The following SYNCRIP variants were observed in gnomAD, a reference collection of about 807,000 sequenced individuals.
SYNCRIP encodes the protein heterogeneous nuclear ribonucleoprotein Q.
In SYNCRIP, 9 loss-of-function variants were observed where a neutral mutation model predicts 68.9. That is an observed-to-expected ratio of 0.13 (90% CI 0.08 to 0.23). The LOEUF is 0.23. Among genes scored for constraint, SYNCRIP ranks in the 10% least tolerant of loss-of-function variants. SYNCRIP has a pLI of 1.00. For missense variants in SYNCRIP, 414 were observed against 770.6 expected (o/e 0.54, Z 5.48); for synonymous variants, 258 against 254.0 (o/e 1.02, Z -0.15).
chr6:85,635,438 A>G lies in SYNCRIP; in HGVS notation c.666+1529T>C, dbSNP rs559605548. Among the ~76,000 whole-genome samples the G allele has an allele frequency of 9.2e-5, 14 of 152,244 alleles. No individual in the cohort carries two copies. In the South Asian group the frequency reaches 2.9e-3, roughly 32 times the overall value. ...TACTGTTTAACTTCCATCATACTCAATTATGCAAACCAGTGGGGAATATTC... is the reference window on the plus strand; with the variant it reads ...TACTGTTTAACTTCCATCATACTCAGTTATGCAAACCAGTGGGGAATATTC... On this transcript the variant is annotated intron_variant, in intron 6 of 10. Transcript: ENST00000369622.
chr6:85,622,164 G>A (rs1303457470), intron 8 of SYNCRIP, among the ~76,000 whole-genome samples: 2 of 152,116 alleles, frequency 1.3e-5, no homozygotes, highest in African/African-American at 4.8e-5. Context: ...CCGAGGTCAG[G>A]AGTTCGAGAC....
At chr6:85,635,470 CAT>C (rs541760886) in intron 6 of SYNCRIP, among the ~76,000 whole-genome samples, 10 of 152,186 alleles carry the variant, frequency 6.6e-5, no homozygotes, top group Non-Finnish European at 1.5e-4. Context: ...ATTCACACAA[CAT>C]AGAAAAGGAA....
chr6:85,624,565 T>G (rs999916832), intron 6 of SYNCRIP, among the ~76,000 whole-genome samples: 1 of 152,190 alleles, frequency 6.6e-6, no homozygotes, highest in Non-Finnish European at 1.5e-5. Context: ...TATTTAAGCC[T>G]AAAAAAACAG....
At chr6:85,613,830 G>A, downstream of SYNCRIP, 2 of 312,176 alleles carry the variant, frequency 6.4e-6, no homozygotes, top group Non-Finnish European at 9.3e-6. Context: ...CTCAATCTGA[G>A]TTTTAGGTTA....
chr6:85,633,727 C>T (rs1051629515), intron 6 of SYNCRIP, among the ~76,000 whole-genome samples: 1 of 151,914 alleles, frequency 6.6e-6, no homozygotes, highest in Non-Finnish European at 1.5e-5. Flanking sequence ...CTCTGTTGCC[C>T]AGGCTGGAGT....
exon 12 of SYNCRIP, chr6:85,608,668 G>C (rs147499816): frequency 1.1e-3 from 172 of 152,064 alleles, no homozygotes; most frequent in African/African-American, 4.0e-3. Flanking sequence ...ATACTAGTCA[G>C]GTACAAGCTT....
At chr6:85,638,282 G>C (rs1358079180) in intron 4 of SYNCRIP, among the ~76,000 whole-genome samples, 2 of 142,658 alleles carry the variant, frequency 1.4e-5, no homozygotes, top group Admixed American at 7.8e-5. Flanking sequence ...CTGAGGCAGA[G>C]AACTGCTTAA....
chr6:85,631,996 T>A (rs1396954779), intron 6 of SYNCRIP, among the ~76,000 whole-genome samples: 1 of 152,222 alleles, frequency 6.6e-6, no homozygotes, highest in South Asian at 2.1e-4. Context: ...ATTATCATCA[T>A]TTACAAATGG....
chr6:85,615,672 C>A (rs1184805223), intron 10 of SYNCRIP, among the ~76,000 whole-genome samples: 1 of 152,124 alleles, frequency 6.6e-6, no homozygotes, highest in Non-Finnish European at 1.5e-5. Context: ...GGGCTGGGAG[C>A]GGTCATGCCT....
At position 85,614,526 on chromosome 6, in the gene SYNCRIP, C is replaced by T; in HGVS notation, c.*230G>A. 1 of 1,237,388 alleles carries T rather than the reference C, an allele frequency of 8.1e-7. No individual in the cohort carries two copies. 76.7% of individuals were successfully genotyped at this position (1,237,388 alleles called of 1,614,324 possible). A position where few individuals can be genotyped will look rare whatever the true frequency, so the allele number is the denominator to read the frequency against. ...TCAAGCACAAATGCAAACTCATTAA[C>T]TATTTCTTTCAGTATCTAAGAATAT... On this transcript the variant is annotated 3_prime_UTR_variant, in exon 11 of 11. Coordinates refer to ENST00000369622, the MANE Select transcript of SYNCRIP (RefSeq NM_006372.5).
At chr6:85,638,080 G>C (rs935402893) in intron 4 of SYNCRIP, among the ~76,000 whole-genome samples, 2 of 152,058 alleles carry the variant, frequency 1.3e-5, no homozygotes, top group East Asian at 3.9e-4. Context: ...GCAAAGTATA[G>C]AAAGAAGTAT....
Position 85,614,018 on chromosome 6 carries a change from G to C in SYNCRIP, c.*738C>G, listed in dbSNP as rs1583236982. The stretch of plus-strand genomic sequence containing the variant: ...TTTTTATTTTTGATGGGAACATGAA[G>C]TCTGTTGTAAAATAGCACTTTAAAC... On this transcript the variant is annotated 3_prime_UTR_variant, in exon 11 of 11. Coordinates refer to ENST00000369622, the MANE Select transcript of SYNCRIP (RefSeq NM_006372.5). 4.1e-6 allele frequency: 4 copies of C among 985,246 alleles called. No individual in the cohort carries two copies. The highest frequency in any genetic ancestry group is 4.8e-6 in the Non-Finnish European group (4 of 829,580). The allele number at this position is 985,246 out of a possible 1,614,324, so 61.0% of individuals were successfully genotyped here. A position where few individuals can be genotyped will look rare whatever the true frequency, so the allele number is the denominator to read the frequency against.
At chr6:85,632,884 T>A (rs967860050) in intron 6 of SYNCRIP, among the ~76,000 whole-genome samples, 2 of 152,080 alleles carry the variant, frequency 1.3e-5, no homozygotes, top group African/African-American at 2.4e-5. Flanking sequence ...TTAGTGAGCA[T>A]TGATCATGAC....
intron 6 of SYNCRIP, among the ~76,000 whole-genome samples, chr6:85,631,596 G>A (rs960124518): frequency 6.6e-6 from 1 of 152,206 alleles, no homozygotes; most frequent in African/African-American, 2.4e-5. Flanking sequence ...TAGGGTAGTA[G>A]CAGCGAAGAA....
intron 8 of SYNCRIP, 84 bp downstream of exon 8, chr6:85,622,398 G>C (rs1264717346): frequency 4.7e-6 from 6 of 1,269,394 alleles, no homozygotes; most frequent in Non-Finnish European, 5.7e-6. Context: ...AATGTATACT[G>C]TTCATTTTAT....
At chr6:85,627,697 C>T (rs865908402) in intron 6 of SYNCRIP, among the ~76,000 whole-genome samples, 36 of 152,238 alleles carry the variant, frequency 2.4e-4, no homozygotes, top group African/African-American at 8.7e-4. Flanking sequence ...CACACACACA[C>T]AAAAAGTCTT....
chr6:85,641,374 G>C lies in SYNCRIP; in HGVS notation c.66C>G (p.Ile22Met), dbSNP rs369890028. 3.2e-5 allele frequency: 51 copies of C among 1,613,006 alleles called. No homozygotes were observed. Among genetic ancestry groups the C allele is most frequent in the Non-Finnish European group, 3.8e-5 (45 of 1,179,870 alleles). Residue 22 changes from isoleucine (I) to methionine (M), a missense_variant, in exon 2 of 11, where the codon ATC (isoleucine) becomes ATG (methionine). By Grantham distance (10) the Ile-to-Met change is conservative. This residue lies in a region of SYNCRIP where 51 missense variants were observed against 63.7 expected (regional missense o/e 0.80). Coordinates refer to ENST00000369622, the MANE Select transcript of SYNCRIP (RefSeq NM_006372.5). ...GCAATGTCTGAAAATTTTCTGAATG[G>C]ATAACTGCAGAAGTAGTATCCATGG... ...EEPMDTTSAV[I>M]HSENFQTLLD...
At chr6:85,641,568 C>G in intron 1 of SYNCRIP, 117 bp from the exon 2 acceptor site, 1 of 1,035,012 alleles carries the variant, frequency 9.7e-7, no homozygotes, top group Non-Finnish European at 1.4e-6. Context: ...CTATACCTCC[C>G]TTTAAAAAAG....
At chr6:85,642,444 T>C (rs1354078135) in intron 1 of SYNCRIP, among the ~76,000 whole-genome samples, 1 of 151,828 alleles carries the variant, frequency 6.6e-6, no homozygotes, top group African/African-American at 2.4e-5. Flanking sequence ...CCGCCCAAGC[T>C]CGCCGCACGG....
Sources: allele counts gnomAD v4.1 joint callset (sites outside exome capture counted in the v4.1 genomes callset), GRCh38; gene constraint gnomAD v4.1.1; regional missense constraint gnomAD v4.1.1; transcripts MANE v1.5; gene names NCBI Gene and HGNC (gene_info 2026-07-23, HGNC 2026-07-21).